The following ZFHX3 variants were observed in gnomAD, a reference collection of about 807,000 sequenced individuals.
ZFHX3 encodes the protein zinc finger homeobox protein 3.
In ZFHX3, 42 loss-of-function variants were observed where a neutral mutation model predicts 279.1. The ratio of observed to expected loss-of-function variants is 0.15; its 90% CI spans 0.12 to 0.19. The LOEUF is 0.19. Ranked by LOEUF, ZFHX3 falls within the 10% of genes least tolerant of loss-of-function variation. ZFHX3 has a pLI of 1.00. For missense variants in ZFHX3, 4,981 were observed against 4,754.0 expected, an observed-to-expected ratio of 1.05 and a Z score of -1.40; for synonymous variants, 2,293 against 1,957.8, an observed-to-expected ratio of 1.17 and a Z score of -4.52.
At chr16:72,846,982 G>C (rs2037497845) in intron 4 of ZFHX3, among the ~76,000 whole-genome samples, 1 of 152,168 alleles carries the variant, frequency 6.6e-6, no homozygotes, top group African/African-American at 2.4e-5. Context: ...CCTGAGAAGA[G>C]GACAGGGCAG....
At chr16:73,627,465 AGACT>A (rs1401508663) in intron 2 of ZFHX3, among the ~76,000 whole-genome samples, 2 of 152,256 alleles carry the variant, frequency 1.3e-5, no homozygotes, top group Non-Finnish European at 2.9e-5. Flanking sequence ...AACAGCTCAA[AGACT>A]GACTGATCAG....
At chr16:73,694,524 A>C (rs898576389) in intron 1 of ZFHX3, among the ~76,000 whole-genome samples, 1 of 151,796 alleles carries the variant, frequency 6.6e-6, no homozygotes, top group Non-Finnish European at 1.5e-5. Context: ...TTGTATTTTT[A>C]GTAGAGACGT....
At chr16:73,334,810 C>CTTTTTTTTTTTTTTTTTTTTTTTTTTT (rs368597124) in intron 3 of ZFHX3, among the ~76,000 whole-genome samples, 4 of 57,914 alleles carry the variant, frequency 6.9e-5, no homozygotes, top group Non-Finnish European at 1.4e-4. Flanking sequence ...CTTTCTCATT[C>CTTTTTTTTTTTTTTTTTTTTTTTTTTT]TTTTTTTTTT....
chr16:73,361,290 C>A (rs1042047634), intron 3 of ZFHX3, among the ~76,000 whole-genome samples: 2 of 152,216 alleles, frequency 1.3e-5, no homozygotes, highest in Admixed American at 1.3e-4. Flanking sequence ...GTGGCAAGCT[C>A]AAAGCAAGAA....
intron 6 of ZFHX3, among the ~76,000 whole-genome samples, chr16:73,142,982 TC>T (rs1567400935): frequency 6.6e-6 from 1 of 152,196 alleles, no homozygotes; most frequent in Non-Finnish European, 1.5e-5. Context: ...CAATTTGGTC[TC>T]TTCTTTCAGG....
At chr16:73,870,611 G>A (rs2142400123) in intron 1 of ZFHX3, among the ~76,000 whole-genome samples, 1 of 152,278 alleles carries the variant, frequency 6.6e-6, no homozygotes, top group Non-Finnish European at 1.5e-5. Context: ...AAGCGTCTGA[G>A]AGCACACTCC....
intron 2 of ZFHX3, among the ~76,000 whole-genome samples, chr16:73,606,700 A>G (rs2052187691): frequency 1.3e-5 from 2 of 152,140 alleles, no homozygotes; most frequent in South Asian, 4.1e-4. Flanking sequence ...CCCAGCATGC[A>G]TTAGCTATTT....
At chr16:73,501,713 G>A (rs2019241861) in intron 2 of ZFHX3, among the ~76,000 whole-genome samples, 1 of 152,194 alleles carries the variant, frequency 6.6e-6, no homozygotes, top group Non-Finnish European at 1.5e-5. Flanking sequence ...AATGGAAAAT[G>A]TCTCAAAGAG....
chr16:72,963,580 T>A (rs377643194), intron 1 of ZFHX3, among the ~76,000 whole-genome samples: 2 of 152,174 alleles, frequency 1.3e-5, no homozygotes, highest in African/African-American at 4.8e-5. Flanking sequence ...TGGAACCACC[T>A]GTAAAGCCCA....
At chr16:73,056,066 G>C (rs939887403) in intron 1 of ZFHX3, among the ~76,000 whole-genome samples, 1 of 152,182 alleles carries the variant, frequency 6.6e-6, no homozygotes, top group Non-Finnish European at 1.5e-5. Flanking sequence ...AGGGGGAAGG[G>C]AGACACACAG....
chr16:72,938,125 C>T (rs1472751754), intron 3 of ZFHX3, among the ~76,000 whole-genome samples: 1 of 152,218 alleles, frequency 6.6e-6, no homozygotes. Context: ...GTGTGACACC[C>T]GTGTGGGGCA....
At chr16:73,174,101 G>GT (rs1053225230) in intron 5 of ZFHX3, among the ~76,000 whole-genome samples, 13 of 152,282 alleles carry the variant, frequency 8.5e-5, no homozygotes, top group African/African-American at 2.6e-4. Flanking sequence ...TTCACTGGAC[G>GT]TGTTTCCCCC....
At chr16:73,774,854 C>G (rs2054059046) in intron 1 of ZFHX3, among the ~76,000 whole-genome samples, 1 of 152,126 alleles carries the variant, frequency 6.6e-6, no homozygotes, top group Non-Finnish European at 1.5e-5. Context: ...ATTTCGAGAC[C>G]TGAACCTTGC....
intron 7 of ZFHX3, among the ~76,000 whole-genome samples, chr16:73,130,686 C>T (rs1567396768): frequency 6.6e-6 from 1 of 152,244 alleles, no homozygotes; most frequent in Admixed American, 6.5e-5. Context: ...CAGCTCACGG[C>T]AACCTCCGCT....
chr16:73,633,271 T>C (rs755032605), intron 2 of ZFHX3, among the ~76,000 whole-genome samples: 4 of 152,168 alleles, frequency 2.6e-5, no homozygotes, highest in African/African-American at 4.8e-5. Context: ...TTAAAAGGGA[T>C]AGATAATTCA....
intron 4 of ZFHX3, among the ~76,000 whole-genome samples, chr16:72,878,969 C>T (rs1306085813): frequency 1.3e-5 from 2 of 152,294 alleles, no homozygotes; most frequent in East Asian, 1.9e-4. Context: ...GGTCCGAGTT[C>T]GCCTCTGCTT....
At chr16:73,461,543 C>G (rs2018470797) in intron 2 of ZFHX3, among the ~76,000 whole-genome samples, 2 of 152,150 alleles carry the variant, frequency 1.3e-5, no homozygotes, top group African/African-American at 2.4e-5. Flanking sequence ...CTGCAATCCA[C>G]TTTGGATTCA....
intron 1 of ZFHX3, among the ~76,000 whole-genome samples, chr16:73,053,626 C>T (rs1253381161): frequency 1.3e-5 from 2 of 152,210 alleles, no homozygotes; most frequent in South Asian, 2.1e-4. Flanking sequence ...GAGTGGATGT[C>T]GGAGTGTTTA....
At chr16:73,023,594 C>A (rs1964388876) in intron 1 of ZFHX3, among the ~76,000 whole-genome samples, 1 of 152,348 alleles carries the variant, frequency 6.6e-6, no homozygotes, top group South Asian at 2.1e-4. Flanking sequence ...TTACGCAGGT[C>A]ACACACCTAG....
Sources: gnomAD v4.1 joint callset for allele counts (sites outside exome capture counted in the v4.1 genomes callset) on GRCh38, gnomAD v4.1.1 for gene constraint, MANE v1.5 for transcripts, NCBI Gene and HGNC (gene_info 2026-07-23, HGNC 2026-07-21) for gene names.